CALN1: variants seen among roughly 807,000 people sequenced by gnomAD.
CALN1 encodes the protein calcium-binding protein 8.
A neutral mutation model predicts 30.6 loss-of-function variants in CALN1; 17 were observed. The ratio of observed to expected loss-of-function variants is 0.56; its 90% CI spans 0.38 to 0.83. The LOEUF (loss-of-function observed/expected upper bound fraction) is 0.83, where lower values mean the gene tolerates loss of function less well. Ranked by LOEUF, CALN1 falls within the 40% of genes least tolerant of loss-of-function variation. The probability of loss-of-function intolerance (pLI) is 0.00; values close to 1 mark genes in which losing one functional copy is unlikely to be tolerated. For synonymous variants in CALN1, 156 were observed against 131.4 expected (o/e 1.19, Z -1.28); for missense variants, 291 against 354.9 (o/e 0.82, Z 1.45).
chr7:72,264,495 G>A (rs1796482651), intron 3 of CALN1, among the ~76,000 whole-genome samples: 1 of 125,938 alleles, frequency 7.9e-6, no homozygotes, highest in African/African-American at 2.9e-5. Context: ...TAATAAGCAG[G>A]ATTTTTTTTT....
intron 2 of CALN1, among the ~76,000 whole-genome samples, chr7:72,331,648 A>T (rs1801686136): frequency 6.6e-6 from 1 of 152,014 alleles, no homozygotes; most frequent in Non-Finnish European, 1.5e-5. Flanking sequence ...ATATCTATTT[A>T]TTTACTTATT....
chr7:71,940,164 T>C (rs547210593), intron 5 of CALN1, among the ~76,000 whole-genome samples: 5 of 152,332 alleles, frequency 3.3e-5, no homozygotes, highest in Admixed American at 6.5e-5. Context: ...CCACTTTTTT[T>C]CTCCTCAGCA....
At chr7:71,968,607 C>T (rs1797641424) in intron 5 of CALN1, among the ~76,000 whole-genome samples, 1 of 152,008 alleles carries the variant, frequency 6.6e-6, no homozygotes, top group South Asian at 2.1e-4. Context: ...GTATTGAACT[C>T]CTGACCTCAA....
At chr7:72,091,008 GAGCACAAT>G (rs1452774689) in intron 4 of CALN1, among the ~76,000 whole-genome samples, 1 of 152,078 alleles carries the variant, frequency 6.6e-6, no homozygotes, top group Non-Finnish European at 1.5e-5. Context: ...TAGTGTTCAG[GAGCACAAT>G]AGGGTGATTA....
chr7:72,352,195 C>G (rs1802959183), intron 2 of CALN1, among the ~76,000 whole-genome samples: 1 of 150,616 alleles, frequency 6.6e-6, no homozygotes, highest in Non-Finnish European at 1.5e-5. Context: ...AAAAAAACCA[C>G]TTTGAGATTT....
chr7:71,815,792 T>G, intron 5 of CALN1, among the ~76,000 whole-genome samples: 2 of 84,290 alleles, frequency 2.4e-5, no homozygotes, highest in Admixed American at 1.7e-4. Flanking sequence ...CTTTCCTCCC[T>G]TCCCACCCTC....
chr7:72,054,528 C>CATAT (rs1311863020), intron 4 of CALN1, among the ~76,000 whole-genome samples: 2 of 55,768 alleles, frequency 3.6e-5, no homozygotes, highest in African/African-American at 1.5e-4. Flanking sequence ...TACATATATA[C>CATAT]ATACATATAT....
At chr7:72,395,060 C>T (rs1805829641) in intron 2 of CALN1, among the ~76,000 whole-genome samples, 1 of 152,168 alleles carries the variant, frequency 6.6e-6, no homozygotes, top group African/African-American at 2.4e-5. Flanking sequence ...CCTGAGCTTG[C>T]ATGTATCCTA....
chr7:72,344,229 C>T lies in CALN1; in HGVS notation c.119+59022G>A, dbSNP rs972091481. Among the ~76,000 whole-genome samples, 10 of 152,194 alleles carry T rather than the reference C, an allele frequency of 6.6e-5. No individual in the cohort carries two copies. The East Asian group carries it at 1.9e-3, about 29-fold the overall frequency. ...GGCTACAGATTCTGTTGGAGAGAGA[C>T]AAGCCACCCCCACCATGGGCTATCT... On this transcript the variant is annotated intron_variant, in intron 2 of 6. Coordinates refer to ENST00000395275, the MANE Select transcript of CALN1 (RefSeq NM_031468.4).
At chr7:72,129,863 AT>A (rs1242825244) in intron 3 of CALN1, among the ~76,000 whole-genome samples, 4 of 152,176 alleles carry the variant, frequency 2.6e-5, no homozygotes, top group Non-Finnish European at 5.9e-5. Context: ...ATGGTTCATG[AT>A]TTGTCTCCTC....
intron 3 of CALN1, among the ~76,000 whole-genome samples, chr7:72,140,237 C>A (rs1429774867): frequency 1.3e-5 from 2 of 150,814 alleles, no homozygotes; most frequent in Non-Finnish European, 2.9e-5. Context: ...CACAACTTCA[C>A]TCCAGCCTGG....
At chr7:72,388,279 G>A (rs902682321) in intron 2 of CALN1, among the ~76,000 whole-genome samples, 1 of 151,772 alleles carries the variant, frequency 6.6e-6, no homozygotes, top group African/African-American at 2.4e-5. Flanking sequence ...TTTAAAAAGG[G>A]GCACGTCCTT....
chr7:71,952,857 T>C (rs1270420683), intron 5 of CALN1, among the ~76,000 whole-genome samples: 12 of 152,234 alleles, frequency 7.9e-5, no homozygotes, highest in Admixed American at 7.9e-4. Context: ...CAGCTTCTTC[T>C]AATCCCCAGA....
At chr7:72,233,066 T>TATTAAGTTCTTTCTCTG (rs1255141187) in intron 3 of CALN1, among the ~76,000 whole-genome samples, 2 of 152,124 alleles carry the variant, frequency 1.3e-5, no homozygotes, top group Admixed American at 1.3e-4. Context: ...GCTTTGGCTT[T>TATTAAGTTCTTTCTCTG]ATTAAGTTCT....
intron 5 of CALN1, among the ~76,000 whole-genome samples, chr7:71,866,607 T>C (rs1791603440): frequency 6.6e-6 from 1 of 152,154 alleles, no homozygotes; most frequent in Admixed American, 6.5e-5. Context: ...AATAATGGAA[T>C]GAACTGAGTA....
At chr7:71,979,508 G>C (rs1443291854) in intron 5 of CALN1, among the ~76,000 whole-genome samples, 3 of 152,060 alleles carry the variant, frequency 2.0e-5, no homozygotes, top group Non-Finnish European at 4.4e-5. Context: ...AGACTCTAAC[G>C]CTGCCGCTGA....
In CALN1 at chr7:71,943,979, A is replaced by G. The variant is rs1312335357; in HGVS notation, c.501+79678T>C. 3.3e-5 allele frequency among the ~76,000 whole-genome samples: 5 copies of G among 152,342 alleles called. No homozygotes were observed. The South Asian group carries it at 8.3e-4, about 25-fold the overall frequency. ...TGGTAAGGGTGTGCCCTGAATTGAC[A>G]GGAATAATGAACTCAAGTTTTGGAA... On this transcript the variant is annotated intron_variant, in intron 5 of 6. Coordinates refer to ENST00000395275, the MANE Select transcript of CALN1 (RefSeq NM_031468.4).
intron 2 of CALN1, among the ~76,000 whole-genome samples, chr7:72,387,134 GTATAAAA>G (rs543287318): frequency 1.1e-3 from 157 of 141,708 alleles, no homozygotes; most frequent in African/African-American, 3.9e-3. Context: ...ATAACCCAAA[GTATAAAA>G]TAAGTATCCA....
chr7:72,390,675 T>C (rs969773682), intron 2 of CALN1, among the ~76,000 whole-genome samples: 9 of 152,116 alleles, frequency 5.9e-5, no homozygotes, highest in Non-Finnish European at 1.2e-4. Flanking sequence ...TATTTTACTA[T>C]CATGTTCCCA....
Sources: allele counts gnomAD v4.1 joint callset (sites outside exome capture counted in the v4.1 genomes callset), GRCh38; gene constraint gnomAD v4.1.1; transcripts MANE v1.5; gene names NCBI Gene and HGNC (gene_info 2026-07-23, HGNC 2026-07-21).